Variants in ARHGEF28 observed in about 807,000 individuals in gnomAD.
ARHGEF28 encodes the protein 190 kDa guanine nucleotide exchange factor.
In ARHGEF28, 152 loss-of-function variants were observed where a neutral mutation model predicts 206.6. The ratio of observed to expected loss-of-function variants is 0.74; its 90% CI spans 0.64 to 0.84. ARHGEF28 has a LOEUF of 0.84. ARHGEF28 is among the 40% of genes least tolerant of loss of function. ARHGEF28 has a pLI of 0.00. For synonymous variants in ARHGEF28, 763 were observed against 776.4 expected (o/e 0.98, Z 0.29); for missense variants, 2,028 against 2,073.2 (o/e 0.98, Z 0.42).
intron 9 of ARHGEF28, among the ~76,000 whole-genome samples, chr5:73,798,286 C>G (rs768244003): frequency 3.9e-5 from 6 of 152,204 alleles, no homozygotes; most frequent in African/African-American, 9.7e-5. Flanking sequence ...TGAGTATAGT[C>G]ACTCTATTGT....
intron 2 of ARHGEF28, 106 bp downstream of exon 2, chr5:73,684,990 T>C: frequency 1.6e-6 from 2 of 1,220,914 alleles, no homozygotes; most frequent in East Asian, 2.5e-5. Context: ...AGTTAAGGCT[T>C]TTTAAAAACA....
chr5:73,709,022 A>G (rs1037132867), intron 2 of ARHGEF28, among the ~76,000 whole-genome samples: 4 of 151,958 alleles, frequency 2.6e-5, no homozygotes, highest in Admixed American at 2.6e-4. Context: ...TCTTTTGCCC[A>G]CTTTTGAATG....
intron 9 of ARHGEF28, among the ~76,000 whole-genome samples, chr5:73,805,853 A>G (rs1755403888): frequency 6.6e-6 from 1 of 152,206 alleles, no homozygotes; most frequent in Non-Finnish European, 1.5e-5. Flanking sequence ...AAGCATATAT[A>G]GGACGAGCCT....
intron 35 of ARHGEF28, among the ~76,000 whole-genome samples, chr5:73,935,018 A>G (rs1764340287): frequency 6.6e-6 from 1 of 152,172 alleles, no homozygotes; most frequent in South Asian, 2.1e-4. Flanking sequence ...GAGTGAATCA[A>G]AGTTCAGACA....
At chr5:73,723,046 G>A (rs1750056048) in intron 2 of ARHGEF28, among the ~76,000 whole-genome samples, 1 of 152,104 alleles carries the variant, frequency 6.6e-6, no homozygotes, top group South Asian at 2.1e-4. Context: ...ATTTAATAAA[G>A]TTTTACATTA....
At position 73,830,279 on chromosome 5, in the gene ARHGEF28, C is replaced by T. The variant is rs764229109; in HGVS notation, c.1025-2059C>T. 2.0e-4 allele frequency among the ~76,000 whole-genome samples: 31 copies of T among 152,164 alleles called. No individual in the cohort carries two copies. In the Middle Eastern group the frequency reaches 0.01, roughly 50 times the overall value. On this transcript the variant is annotated intron_variant, in intron 9 of 35. Transcript: ENST00000513042. ...GTTAAGACAATGTAGACTGGCCGGGCGTGGTGGCTCATGCCTGTAATCCCA... is the reference window on the plus strand; with the variant it reads ...GTTAAGACAATGTAGACTGGCCGGGTGTGGTGGCTCATGCCTGTAATCCCA...
Position 73,845,696 on chromosome 5 carries a change from A to G in ARHGEF28, c.1428-572A>G, listed in dbSNP as rs144468189. ...CAAACCAGCTTTTGTTTCTTCAGGC[A>G]TTTGAAATGTCTTTTGCCCCAGTCG... is the stretch of plus-strand genomic sequence containing the variant. On this transcript the variant is annotated intron_variant, in intron 11 of 35. Coordinates refer to ENST00000513042, the MANE Select transcript of ARHGEF28 (RefSeq NM_001177693.2). Among the ~76,000 whole-genome samples the G allele has an allele frequency of 2.1e-3, 321 of 152,250 alleles. 1 individual carries two copies. Among genetic ancestry groups the G allele is most frequent in the African/African-American group, 7.5e-3 (313 of 41,534 alleles).
intron 1 of ARHGEF28, among the ~76,000 whole-genome samples, chr5:73,630,103 A>G (rs1743270381): frequency 6.6e-6 from 1 of 152,220 alleles, no homozygotes; most frequent in East Asian, 1.9e-4. Flanking sequence ...TAAAAAATAT[A>G]CACTTGAAAT....
At chr5:73,680,864 C>G (rs919649001) in intron 1 of ARHGEF28, among the ~76,000 whole-genome samples, 1 of 151,772 alleles carries the variant, frequency 6.6e-6, no homozygotes, top group Non-Finnish European at 1.5e-5. Flanking sequence ...TAAAGAAATT[C>G]CTTTTATCTT....
intron 35 of ARHGEF28, among the ~76,000 whole-genome samples, chr5:73,939,516 G>A (rs1742455968): frequency 6.6e-6 from 1 of 152,176 alleles, no homozygotes; most frequent in African/African-American, 2.4e-5. Context: ...CCTGCCTTGA[G>A]GGTCCTCCTT....
intron 35 of ARHGEF28, among the ~76,000 whole-genome samples, chr5:73,921,538 T>C (rs1000716707): frequency 2.0e-5 from 3 of 152,210 alleles, no homozygotes; most frequent in Non-Finnish European, 4.4e-5. Context: ...TAAGGAAAAA[T>C]GTAGGCTTCC....
intron 3 of ARHGEF28, 70 bp from the exon 4 acceptor site, chr5:73,752,839 A>G: frequency 6.5e-7 from 1 of 1,549,176 alleles, no homozygotes; most frequent in Non-Finnish European, 8.8e-7. Context: ...TGGTGGGGCT[A>G]GCACATTGGA....
At chr5:73,750,034 T>C in intron 3 of ARHGEF28, 50 bp downstream of exon 3, 1 of 1,601,880 alleles carries the variant, frequency 6.2e-7, no homozygotes, top group Non-Finnish European at 8.5e-7. Flanking sequence ...TGCAAATAAC[T>C]TCCCTCCAGG....
intron 26 of ARHGEF28, among the ~76,000 whole-genome samples, chr5:73,890,407 AG>A (rs1761554382): frequency 6.6e-6 from 1 of 152,188 alleles, no homozygotes; most frequent in South Asian, 2.1e-4. Flanking sequence ...ACATTGCATC[AG>A]GGAAACAGAT....
intron 13 of ARHGEF28, among the ~76,000 whole-genome samples, chr5:73,849,594 T>C (rs1194025803): frequency 6.7e-6 from 1 of 150,278 alleles, no homozygotes; most frequent in African/African-American, 2.5e-5. Flanking sequence ...TTGGTGGCAA[T>C]GTAGGCAATT....
intron 3 of ARHGEF28, among the ~76,000 whole-genome samples, chr5:73,752,151 C>T (rs1752047286): frequency 1.3e-5 from 2 of 152,114 alleles, no homozygotes; most frequent in African/African-American, 4.8e-5. Context: ...TTGCTGCCAC[C>T]AATTCCTGAA....
chr5:73,799,621 A>G (rs991359597), intron 9 of ARHGEF28, among the ~76,000 whole-genome samples: 3 of 152,202 alleles, frequency 2.0e-5, no homozygotes, highest in Non-Finnish European at 4.4e-5. Context: ...TTCCTGCAAT[A>G]ATATATCACT....
At chr5:73,708,777 A>G (rs914450828) in intron 2 of ARHGEF28, among the ~76,000 whole-genome samples, 1 of 152,156 alleles carries the variant, frequency 6.6e-6, no homozygotes, top group African/African-American at 2.4e-5. Flanking sequence ...TTCTTTGGGA[A>G]ATTTCCCAAC....
intron 1 of ARHGEF28, among the ~76,000 whole-genome samples, chr5:73,667,853 C>T (rs1746062854): frequency 6.6e-6 from 1 of 152,126 alleles, no homozygotes; most frequent in South Asian, 2.1e-4. Flanking sequence ...TAGTTCATTG[C>T]TATTAAATTC....
Sources: allele counts gnomAD v4.1 joint callset (sites outside exome capture counted in the v4.1 genomes callset), GRCh38; gene constraint gnomAD v4.1.1; transcripts MANE v1.5; gene names NCBI Gene and HGNC (gene_info 2026-07-23, HGNC 2026-07-21).